Variants in ALDH1A2 observed in about 807,000 individuals in gnomAD.
ALDH1A2 encodes the protein aldehyde dehydrogenase 1 family member A2.
ALDH1A2 carries 27 observed loss-of-function variants against 60.3 expected under a neutral mutation model. The observed-to-expected ratio is 0.45, with a 90% CI of 0.33 to 0.62. The LOEUF is 0.62. Among genes scored for constraint, ALDH1A2 ranks in the 20% least tolerant of loss-of-function variants. ALDH1A2 has a pLI of 0.02. For synonymous variants in ALDH1A2, 289 were observed against 232.4 expected, an observed-to-expected ratio of 1.24 and a Z score of -2.21; for missense variants, 581 against 643.8, an observed-to-expected ratio of 0.90 and a Z score of 1.06.
intron 1 of ALDH1A2, among the ~76,000 whole-genome samples, chr15:58,031,590 G>T (rs1485851148): frequency 6.6e-6 from 1 of 151,966 alleles, no homozygotes; most frequent in Non-Finnish European, 1.5e-5. Flanking sequence ...CTACAGAATG[G>T]GAGAAAATTT....
intron 1 of ALDH1A2, among the ~76,000 whole-genome samples, chr15:58,028,678 A>T (rs1896145200): frequency 6.6e-6 from 1 of 152,220 alleles, no homozygotes; most frequent in Non-Finnish European, 1.5e-5. Flanking sequence ...AGACACACAC[A>T]GGCTCAAAAT....
In ALDH1A2 at chr15:57,961,139, A is replaced by T; in HGVS notation, c.1407T>A (p.Val469=). ...TVSSAMQAGT[V]WINCYNALNA... Reference sequence around the variant, plus strand: ...TACAAGACTGACTCTGATCTTACCAAACAGTCCCAGCTTGCATTGCAGAAG... The same window carrying T: ...TACAAGACTGACTCTGATCTTACCATACAGTCCCAGCTTGCATTGCAGAAG... Residue 469 remains valine, a splice_region_variant and synonymous_variant, in exon 11 of 13, where the codon GTT becomes GTA. Coordinates refer to ENST00000249750, the MANE Select transcript of ALDH1A2 (RefSeq NM_003888.4). The T allele has an allele frequency of 6.2e-7, 1 of 1,614,024 alleles. No individual in the cohort carries two copies. Among genetic ancestry groups the T allele is most frequent in the African/African-American group, 1.3e-5 (1 of 75,036 alleles).
At chr15:57,993,106 A>G (rs1476744263) in intron 5 of ALDH1A2, 33 bp from the exon 6 acceptor site, 1 of 1,608,610 alleles carries the variant, frequency 6.2e-7, no homozygotes, top group Admixed American at 1.7e-5. Flanking sequence ...TGATAGATGG[A>G]AAAACATTCT....
intron 7 of ALDH1A2, among the ~76,000 whole-genome samples, chr15:57,988,592 C>G (rs1406864675): frequency 1.3e-5 from 2 of 152,080 alleles, no homozygotes; most frequent in Non-Finnish European, 2.9e-5. Context: ...GTGTTACCTG[C>G]AAAGAGGCAT....
At chr15:58,002,975 T>C (rs985059566) in intron 4 of ALDH1A2, among the ~76,000 whole-genome samples, 1 of 151,914 alleles carries the variant, frequency 6.6e-6, no homozygotes, top group African/African-American at 2.4e-5. Flanking sequence ...TGAAACTGTA[T>C]GTTAGTATGA....
At position 57,971,591 on chromosome 15, in the gene ALDH1A2, T is replaced by TA. The variant is rs113709348; in HGVS notation, c.799-5765dup. On this transcript the variant is annotated intron_variant, in intron 7 of 12. Transcript: ENST00000249750. ...GCACTTGCCATCATGCCTGGCTAAT[T>TA]AAAAAAAAAAATTGGTACAGACAGG... 5.4e-4 allele frequency among the ~76,000 whole-genome samples: 80 copies of TA among 147,662 alleles called. 1 individual carries two copies. Among genetic ancestry groups the TA allele is most frequent in the Admixed American group, 1.7e-3 (25 of 14,858 alleles).
At chr15:57,980,478 C>A in intron 7 of ALDH1A2, 2 of 284,232 alleles carry the variant, frequency 7.0e-6, no homozygotes, top group East Asian at 9.6e-5. Flanking sequence ...AAGATAATCC[C>A]GTCCTTCAGG....
chr15:58,023,857 C>T (rs1021708453), intron 1 of ALDH1A2, among the ~76,000 whole-genome samples: 2 of 152,022 alleles, frequency 1.3e-5, no homozygotes, highest in African/African-American at 4.8e-5. Context: ...TTTGGGAGGC[C>T]GAGGTGGGTG....
chr15:58,009,685 T>C (rs1215485914), intron 4 of ALDH1A2, among the ~76,000 whole-genome samples: 1 of 151,726 alleles, frequency 6.6e-6, no homozygotes, highest in Non-Finnish European at 1.5e-5. Flanking sequence ...TATCTCTTCC[T>C]CCTAGGATCT....
intron 12 of ALDH1A2, among the ~76,000 whole-genome samples, chr15:57,959,885 C>T (rs1190467948): frequency 6.6e-6 from 1 of 152,100 alleles, no homozygotes; most frequent in African/African-American, 2.4e-5. Context: ...TGGTTCACTG[C>T]ATTTCTCCCA....
chr15:58,034,061 C>T (rs1896314751), intron 1 of ALDH1A2, among the ~76,000 whole-genome samples: 1 of 151,628 alleles, frequency 6.6e-6, no homozygotes, highest in South Asian at 2.1e-4. Context: ...TGCATTGAAT[C>T]TACATATTAA....
intron 1 of ALDH1A2, among the ~76,000 whole-genome samples, chr15:58,028,788 C>T (rs778377477): frequency 7.2e-5 from 11 of 151,946 alleles, no homozygotes; most frequent in Non-Finnish European, 1.3e-4. Flanking sequence ...CAACAAAGAT[C>T]AAAAGAGACA....
At chr15:58,024,375 GAAAAAAAGT>G (rs1595673983) in intron 1 of ALDH1A2, among the ~76,000 whole-genome samples, 1 of 151,996 alleles carries the variant, frequency 6.6e-6, no homozygotes, top group East Asian at 1.9e-4. Context: ...GTTAAGAGAT[GAAAAAAAGT>G]GAAAAAAGAT....
intron 1 of ALDH1A2, among the ~76,000 whole-genome samples, chr15:58,016,691 C>T (rs1459958406): frequency 1.3e-5 from 2 of 151,966 alleles, no homozygotes; most frequent in Non-Finnish European, 2.9e-5. Context: ...TATTTTGCTA[C>T]TTCATCATGC....
At chr15:58,025,109 T>C (rs1471192955) in intron 1 of ALDH1A2, among the ~76,000 whole-genome samples, 1 of 152,032 alleles carries the variant, frequency 6.6e-6, no homozygotes, top group Admixed American at 6.5e-5. Flanking sequence ...ATAATCTTTA[T>C]CAATGTACCT....
intron 7 of ALDH1A2, among the ~76,000 whole-genome samples, chr15:57,985,909 A>ATATT (rs1894685560): frequency 3.3e-5 from 5 of 152,350 alleles, no homozygotes; most frequent in African/African-American, 1.2e-4. Flanking sequence ...TAAATATTCA[A>ATATT]TATTAATTAA....
chr15:58,021,694 G>A (rs1227569894), intron 1 of ALDH1A2, among the ~76,000 whole-genome samples: 2 of 152,254 alleles, frequency 1.3e-5, no homozygotes, highest in South Asian at 2.1e-4. Context: ...CTGTCCTGGG[G>A]CCCAGCAGTT....
At chr15:57,978,116 T>G (rs1174846745) in intron 7 of ALDH1A2, among the ~76,000 whole-genome samples, 4 of 152,222 alleles carry the variant, frequency 2.6e-5, no homozygotes, top group African/African-American at 9.6e-5. Flanking sequence ...GTTTTCTAAA[T>G]ATACAATCAT....
chr15:57,988,275 G>A (rs570074049), intron 7 of ALDH1A2, among the ~76,000 whole-genome samples: 10 of 152,292 alleles, frequency 6.6e-5, no homozygotes, highest in African/African-American at 2.2e-4. Flanking sequence ...GGTAGACTGT[G>A]ATTGAGGTGC....
Sources: gnomAD v4.1 joint callset for allele counts (sites outside exome capture counted in the v4.1 genomes callset) on GRCh38, gnomAD v4.1.1 for gene constraint, MANE v1.5 for transcripts, NCBI Gene and HGNC (gene_info 2026-07-23, HGNC 2026-07-21) for gene names.